Variants in SLC8A2 observed in about 807,000 individuals in gnomAD.
The protein encoded by SLC8A2 is sodium/calcium exchanger 2.
In SLC8A2, 14 loss-of-function variants were observed where a neutral mutation model predicts 70.2. That is an observed-to-expected ratio of 0.20 (90% CI 0.13 to 0.31). The LOEUF is 0.31. Among genes scored for constraint, SLC8A2 ranks in the 10% least tolerant of loss-of-function variants. The pLI is 1.00. For synonymous variants in SLC8A2, 575 were observed against 594.3 expected, an observed-to-expected ratio of 0.97 and a Z score of 0.47; for missense variants, 779 against 1,320.1, an observed-to-expected ratio of 0.59 and a Z score of 6.35.
chr19:47,464,466 T>C (rs1486167040), intron 2 of SLC8A2, among the ~76,000 whole-genome samples: 1 of 152,158 alleles, frequency 6.6e-6, no homozygotes, highest in Non-Finnish European at 1.5e-5. Context: ...AACAGCACCT[T>C]AAACTGTACG....
At chr19:47,456,081 T>C (rs1215576935) in intron 3 of SLC8A2, among the ~76,000 whole-genome samples, 1 of 152,254 alleles carries the variant, frequency 6.6e-6, no homozygotes, top group Non-Finnish European at 1.5e-5. Flanking sequence ...GTACACCCAT[T>C]GGCATACAGT....
In SLC8A2 at chr19:47,447,610, CCCCG is replaced by C; in HGVS notation, c.1763+195_1763+198del. 1 of 393,942 alleles carries C rather than the reference CCCCG, an allele frequency of 2.5e-6. No homozygotes were observed. Among genetic ancestry groups the C allele is most frequent in the Non-Finnish European group, 4.4e-6 (1 of 225,944 alleles). The allele number at this position is 393,942 out of a possible 1,614,324, so 24.4% of individuals were successfully genotyped here. On this transcript the variant is annotated intron_variant, in intron 4 of 9. Transcript: ENST00000236877. The surrounding 1 kb of genome is among the most constrained non-coding windows in gnomAD (Gnocchi z 5.1). ...CTGAGGGCCCAGCTGTTCAGTGAAG[CCCCG>C]CCCACGTCGTGGGCATGGGTCACAG...
intron 3 of SLC8A2, among the ~76,000 whole-genome samples, chr19:47,450,422 C>T (rs908385610): frequency 1.3e-5 from 2 of 152,018 alleles, no homozygotes; most frequent in African/African-American, 4.8e-5. Context: ...ACTCTGGAGG[C>T]TGAGGCATGA....
At chr19:47,439,616 T>TCCC (rs1438921275) in intron 6 of SLC8A2, among the ~76,000 whole-genome samples, 1 of 122,712 alleles carries the variant, frequency 8.1e-6, no homozygotes, top group African/African-American at 2.6e-5. Context: ...CTTCCTTCCT[T>TCCC]TCTTCCTTCC....
chr19:47,439,643 T>TTCCTTCCTTCCC (rs199619348), intron 6 of SLC8A2, among the ~76,000 whole-genome samples: 1 of 145,684 alleles, frequency 6.9e-6, no homozygotes, highest in African/African-American at 2.6e-5. Context: ...CCTTCCTTCC[T>TTCCTTCCTTCCC]CCCCTCCCTC....
In SLC8A2 at chr19:47,448,255, A is replaced by G; in HGVS notation, c.1341-24T>C. 1 of 1,565,990 alleles carries G rather than the reference A, an allele frequency of 6.4e-7. No individual in the cohort carries two copies. ...CGCTGCGGCGGGGTGGGGAGGGGGA[A>G]GAGCGGGGTGAGGGTCGGTCATCGG... On this transcript the variant is annotated intron_variant, in intron 3 of 9. Transcript: ENST00000236877. The surrounding 1 kb of genome is among the most constrained non-coding windows in gnomAD (Gnocchi z 4.8).
chr19:47,453,648 C>T (rs1055525793), intron 3 of SLC8A2, among the ~76,000 whole-genome samples: 3 of 152,178 alleles, frequency 2.0e-5, no homozygotes, highest in African/African-American at 7.2e-5. Flanking sequence ...CACCTGTAAT[C>T]CCAGCATTTT....
chr19:47,430,594 G>A lies in SLC8A2; in HGVS notation c.2390-129C>T. On this transcript the variant is annotated intron_variant, in intron 9 of 9. Transcript: ENST00000236877. This position sits in a 1 kb window ranked among gnomAD's most constrained non-coding sequence, Gnocchi z 5.9. ...CGGGCAGTGTGGGCTCAAGACCCCT[G>A]ACCCCCACCCAAGAGGCAAAGTCCA... 9.9e-7 allele frequency: 1 copy of A among 1,006,462 alleles called. No homozygotes were observed. The highest frequency in any genetic ancestry group is 2.9e-5 in the Admixed American group (1 of 34,544). The allele number at this position is 1,006,462 out of a possible 1,614,324, so 62.3% of individuals were successfully genotyped here. A position where few individuals can be genotyped will look rare whatever the true frequency, so the allele number is the denominator to read the frequency against.
chr19:47,466,587 CAGAG>C lies in SLC8A2; in HGVS notation c.-16-172_-16-169del, dbSNP rs10611886. 1.3e-5 allele frequency among the ~76,000 whole-genome samples: 2 copies of C among 150,980 alleles called. No individual in the cohort carries two copies. The highest frequency in any genetic ancestry group is 6.6e-5 in the Admixed American group (1 of 15,132). On this transcript the variant is annotated intron_variant, in intron 1 of 9. Transcript: ENST00000236877. This position sits in a 1 kb window ranked among gnomAD's most constrained non-coding sequence, Gnocchi z 6.9. ...ACAGAGAGTGACAGACAGAGACCCA[CAGAG>C]AGAGAGAGAGACTGAAAGATAAGGA... is the stretch of plus-strand genomic sequence containing the variant.
At position 47,447,721 on chromosome 19, in the gene SLC8A2, G is replaced by A. The variant is rs1967183807; in HGVS notation, c.1763+88C>T. 7.4e-7 allele frequency: 1 copy of A among 1,344,368 alleles called. No individual in the cohort carries two copies. The highest frequency in any genetic ancestry group is 1.5e-5 in the South Asian group (1 of 67,180). The allele number at this position is 1,344,368 out of a possible 1,614,324, so 83.3% of individuals were successfully genotyped here. On this transcript the variant is annotated intron_variant, in intron 4 of 9. Transcript: ENST00000236877. This position sits in a 1 kb window ranked among gnomAD's most constrained non-coding sequence, Gnocchi z 5.1. ...CAAGACCCGCCCACTATGTGGGCAT[G>A]GCTCACCCAGGCCCCGCCCCTGAGC...
At position 47,430,542 on chromosome 19, in the gene SLC8A2, C is replaced by A; in HGVS notation, c.2390-77G>T. The stretch of plus-strand genomic sequence containing the variant: ...GGGCGGGCATCCGCCTGCCCCCTCC[C>A]AGCCTTTCCCGGTCGCCTGCTTTCT... On this transcript the variant is annotated intron_variant, in intron 9 of 9. Transcript: ENST00000236877. This position sits in a 1 kb window ranked among gnomAD's most constrained non-coding sequence, Gnocchi z 5.9. 7.0e-7 allele frequency: 1 copy of A among 1,420,696 alleles called. No homozygotes were observed. The allele number at this position is 1,420,696 out of a possible 1,614,324, so 88.0% of individuals were successfully genotyped here.
intron 3 of SLC8A2, among the ~76,000 whole-genome samples, chr19:47,455,196 A>C (rs1484884105): frequency 1.3e-5 from 2 of 152,104 alleles, no homozygotes; most frequent in Non-Finnish European, 2.9e-5. Context: ...TCCCAGGAAG[A>C]GAAGGGTTAA....
chr19:47,437,812 G>C (rs1455486280), intron 7 of SLC8A2, 37 bp downstream of exon 7: 2 of 1,613,142 alleles, frequency 1.2e-6, no homozygotes, highest in East Asian at 2.2e-5. Flanking sequence ...AAATGAACCA[G>C]GCTGGACTCC....
intron 8 of SLC8A2, among the ~76,000 whole-genome samples, chr19:47,433,337 T>G (rs1288273836): frequency 6.6e-6 from 1 of 152,160 alleles, no homozygotes; most frequent in Non-Finnish European, 1.5e-5. Flanking sequence ...AATTAATCAC[T>G]TTCCTAGAAT....
At chr19:47,461,884 G>A (rs1352276435) in intron 2 of SLC8A2, among the ~76,000 whole-genome samples, 1 of 152,180 alleles carries the variant, frequency 6.6e-6, no homozygotes, top group Admixed American at 6.5e-5. Context: ...TGTCCAGCCT[G>A]GGAGGGCACT....
chr19:47,447,775 C>T lies in SLC8A2; in HGVS notation c.1763+34G>A. On this transcript the variant is annotated intron_variant, in intron 4 of 9. Transcript: ENST00000236877. The surrounding 1 kb of genome is among the most constrained non-coding windows in gnomAD (Gnocchi z 5.1). ...ATCAGGCCTCGCCCATTCCGAAGCCCCGCCCCTCTCCGGGCCGCCTCGGGC... is the reference window on the plus strand; with the variant it reads ...ATCAGGCCTCGCCCATTCCGAAGCCTCGCCCCTCTCCGGGCCGCCTCGGGC... The T allele has an allele frequency of 6.5e-7, 1 of 1,546,896 alleles. No individual in the cohort carries two copies. Among genetic ancestry groups the T allele is most frequent in the Non-Finnish European group, 8.6e-7 (1 of 1,158,412 alleles).
At chr19:47,458,177 CTCCT>C (rs1967338974) in intron 2 of SLC8A2, among the ~76,000 whole-genome samples, 1 of 149,634 alleles carries the variant, frequency 6.7e-6, no homozygotes, top group African/African-American at 2.5e-5. Flanking sequence ...CCATCTCTCT[CTCCT>C]CCCCACTCCC....
chr19:47,432,641 T>C lies in SLC8A2; in HGVS notation c.2111-196A>G, dbSNP rs1418732624. 3 of 497,420 alleles carry C rather than the reference T, an allele frequency of 6.0e-6. No individual in the cohort carries two copies. The African/African-American group carries it at 6.1e-5, about 10-fold the overall frequency. The allele number at this position is 497,420 out of a possible 1,614,324, so 30.8% of individuals were successfully genotyped here. A position where few individuals can be genotyped will look rare whatever the true frequency, so the allele number is the denominator to read the frequency against. ...GAATCCCTTGAAGCTAGGAGCTTGA[T>C]TGGGCCCAGGTGAAAAATATTTACT... On this transcript the variant is annotated intron_variant, in intron 8 of 9. Transcript: ENST00000236877. This position sits in a 1 kb window ranked among gnomAD's most constrained non-coding sequence, Gnocchi z 6.2.
At chr19:47,438,414 C>T (rs775004293) in intron 6 of SLC8A2, among the ~76,000 whole-genome samples, 5 of 152,134 alleles carry the variant, frequency 3.3e-5, no homozygotes, top group Admixed American at 2.6e-4. Flanking sequence ...ACATTATCAT[C>T]ATCGTTGCCA....
Sources: gnomAD v4.1 joint callset for allele counts (sites outside exome capture counted in the v4.1 genomes callset) on GRCh38, gnomAD v4.1.1 for gene constraint, Gnocchi (gnomAD v3.1) non-coding constraint, MANE v1.5 for transcripts, NCBI Gene and HGNC (gene_info 2026-07-23, HGNC 2026-07-21) for gene names.